The following PCLO variants were observed in gnomAD, a reference collection of about 807,000 sequenced individuals.
PCLO encodes the protein protein piccolo.
PCLO carries 82 observed loss-of-function variants against 427.5 expected under a neutral mutation model. That is an observed-to-expected ratio of 0.19 (90% CI 0.16 to 0.23). The LOEUF (loss-of-function observed/expected upper bound fraction) is 0.23. PCLO is among the 10% of genes least tolerant of loss of function. The pLI is 1.00. For synonymous variants in PCLO, 2,357 were observed against 2,155.4 expected, an observed-to-expected ratio of 1.09 and a Z score of -2.59; for missense variants, 6,239 against 6,115.9, an observed-to-expected ratio of 1.02 and a Z score of -0.67.
intron 10 of PCLO, among the ~76,000 whole-genome samples, chr7:82,859,481 C>T (rs1343727742): frequency 6.6e-6 from 1 of 152,180 alleles, no homozygotes; most frequent in Non-Finnish European, 1.5e-5. Flanking sequence ...AGAGAATTCT[C>T]CCAGATCTTG....
rs115075695 is a variant in PCLO, at chr7:82,890,219, A to G, written c.13529-10757T>C. The stretch of plus-strand genomic sequence containing the variant: ...GCAGAGTAACAAAAATATTCATGAG[A>G]AAATGGGTAAATACGTGTTCTCTAT... On this transcript the variant is annotated intron_variant, in intron 9 of 24. Transcript: ENST00000333891. Among the ~76,000 whole-genome samples, 353 of 152,164 alleles carry G rather than the reference A, an allele frequency of 2.3e-3. 2 individuals are homozygous for G. Among genetic ancestry groups the G allele is most frequent in the African/African-American group, 8.2e-3 (340 of 41,556 alleles).
intron 7 of PCLO, among the ~76,000 whole-genome samples, chr7:82,909,584 C>A (rs943027308): frequency 6.6e-6 from 1 of 152,094 alleles, no homozygotes; most frequent in Non-Finnish European, 1.5e-5. Flanking sequence ...GTTTCTGTCA[C>A]TTTCCCACCA....
chr7:82,935,811 C>A (rs1350440467), intron 6 of PCLO, among the ~76,000 whole-genome samples: 1 of 151,638 alleles, frequency 6.6e-6, no homozygotes, highest in East Asian at 1.9e-4. Context: ...GAGTTCAGAA[C>A]TTCAAGAATT....
chr7:83,064,242 A>C (rs988874241), intron 3 of PCLO, among the ~76,000 whole-genome samples: 4 of 152,116 alleles, frequency 2.6e-5, no homozygotes, highest in African/African-American at 9.6e-5. Context: ...TAAAGTAATT[A>C]TATTTTGAGA....
intron 3 of PCLO, among the ~76,000 whole-genome samples, chr7:83,108,124 A>G (rs953815195): frequency 2.0e-5 from 3 of 152,034 alleles, no homozygotes; most frequent in African/African-American, 7.2e-5. Context: ...ACTACAGTTT[A>G]TATAAAGTCA....
chr7:83,086,462 T>C (rs115775514), intron 3 of PCLO, among the ~76,000 whole-genome samples: 1,861 of 149,540 alleles, frequency 0.012, 40 homozygotes, highest in African/African-American at 0.042. Flanking sequence ...TTATTGATAA[T>C]GACAGGTAAA....
At chr7:82,936,843 C>T (rs931133423) in intron 6 of PCLO, among the ~76,000 whole-genome samples, 9 of 151,604 alleles carry the variant, frequency 5.9e-5, no homozygotes, top group African/African-American at 2.2e-4. Context: ...CTGATACTTG[C>T]TACAAAGTAG....
chr7:82,886,573 G>C (rs1178584948), intron 9 of PCLO, among the ~76,000 whole-genome samples: 2 of 152,128 alleles, frequency 1.3e-5, no homozygotes, highest in African/African-American at 2.4e-5. Flanking sequence ...CCAGATGCTA[G>C]ATTATTTTTA....
intron 9 of PCLO, among the ~76,000 whole-genome samples, chr7:82,899,977 T>C (rs1200935332): frequency 6.6e-6 from 1 of 151,660 alleles, no homozygotes; most frequent in Non-Finnish European, 1.5e-5. Flanking sequence ...GAAAATACTA[T>C]GTTGTTTTGC....
chr7:82,787,710 A>C (rs2129468304), intron 22 of PCLO, among the ~76,000 whole-genome samples: 1 of 152,248 alleles, frequency 6.6e-6, no homozygotes, highest in East Asian at 1.9e-4. Context: ...CCATAAACCA[A>C]TGAGCAACAG....
chr7:82,918,689 G>A (rs1000865463), intron 6 of PCLO, among the ~76,000 whole-genome samples: 8 of 152,138 alleles, frequency 5.3e-5, no homozygotes, highest in Non-Finnish European at 1.0e-4. Flanking sequence ...TAACATGTAT[G>A]TGGTAGATCT....
At chr7:82,928,277 C>T (rs1394127386) in intron 6 of PCLO, among the ~76,000 whole-genome samples, 1 of 152,108 alleles carries the variant, frequency 6.6e-6, no homozygotes, top group Non-Finnish European at 1.5e-5. Flanking sequence ...GAATAATGTC[C>T]TTGCAACTAA....
intron 6 of PCLO, among the ~76,000 whole-genome samples, chr7:82,944,137 TAAAAAAAAAA>T (rs71096608): frequency 8.0e-4 from 27 of 33,914 alleles, no homozygotes; most frequent in Non-Finnish European, 1.1e-3. Context: ...CAAGAATCCA[TAAAAAAAAAA>T]AAAAAAAAAA....
chr7:82,882,371 A>G (rs1020207323), intron 9 of PCLO, among the ~76,000 whole-genome samples: 29 of 152,094 alleles, frequency 1.9e-4, no homozygotes, highest in African/African-American at 7.0e-4. Context: ...TCAACTTTTG[A>G]CAAATTTTTA....
At position 83,156,287 on chromosome 7, in the gene PCLO, A is replaced by G; in HGVS notation, c.354T>C (p.Thr118=). 1 of 1,613,494 alleles carries G rather than the reference A, an allele frequency of 6.2e-7. No individual in the cohort carries two copies. Among genetic ancestry groups the G allele is most frequent in the Admixed American group, 1.7e-5 (1 of 59,976 alleles). The change falls in exon 2 of 25, where the codon ACT becomes ACC. Residue 118 remains threonine (T), a synonymous_variant. Coordinates refer to ENST00000333891, the MANE Select transcript of PCLO (RefSeq NM_033026.6). ...PGLSKSRTTD[T]FRSEQKLPGR... Reference sequence around the variant, plus strand: ...CAGGCAATTTCTGCTCTGACCTGAAAGTGTCTGTAGTTCTACTTTTACTGA... The same window carrying G: ...CAGGCAATTTCTGCTCTGACCTGAAGGTGTCTGTAGTTCTACTTTTACTGA...
chr7:83,156,135 A>G lies in PCLO; in HGVS notation c.506T>C (p.Val169Ala). 1 of 1,613,838 alleles carries G rather than the reference A, an allele frequency of 6.2e-7. No individual in the cohort carries two copies. The highest frequency in any genetic ancestry group is 8.5e-7 in the Non-Finnish European group (1 of 1,179,824). ...ATCAAAAGGGTTGAATTTATTTACA[A>G]CAGAGGAAACAGCACTTAAAGCGTT... Reference protein sequence around the residue: ...EVNALSAVSSVVNKFNPFDLI... With the variant: ...EVNALSAVSSAVNKFNPFDLI... Residue 169 changes from valine to alanine, a missense_variant, in exon 2 of 25, where the codon GTT becomes GCT. Physicochemically the swap from Val to Ala is moderately conservative, Grantham distance 64 (BLOSUM62 0). Transcript: ENST00000333891.
intron 3 of PCLO, among the ~76,000 whole-genome samples, chr7:83,002,152 T>C (rs915253638): frequency 6.6e-6 from 1 of 152,006 alleles, no homozygotes; most frequent in Non-Finnish European, 1.5e-5. Context: ...TTTCTAGTAC[T>C]CCTTTCTGGA....
intron 3 of PCLO, among the ~76,000 whole-genome samples, chr7:83,010,030 G>A (rs981249391): frequency 6.6e-6 from 1 of 151,848 alleles, no homozygotes; most frequent in African/African-American, 2.4e-5. Context: ...TGGCCTCTTG[G>A]TGCCTCAACA....
At position 83,156,402 on chromosome 7, in the gene PCLO, T is replaced by G; in HGVS notation, c.249-10A>C. On this transcript the variant is annotated splice_polypyrimidine_tract_variant and intron_variant, in intron 1 of 24. Transcript: ENST00000333891. ...ATCCAACTCTTGTTTCCTAGAAGAGTTAAAAAAAAAAAAAAAAATCAAGTG... is the reference window on the plus strand; with the variant it reads ...ATCCAACTCTTGTTTCCTAGAAGAGGTAAAAAAAAAAAAAAAAATCAAGTG... 1.6e-6 allele frequency: 2 copies of G among 1,281,852 alleles called. No homozygotes were observed. Among genetic ancestry groups the G allele is most frequent in the Non-Finnish European group, 2.0e-6 (2 of 986,378 alleles). The allele number at this position is 1,281,852 out of a possible 1,614,324, so 79.4% of individuals were successfully genotyped here.
Sources: allele counts gnomAD v4.1 joint callset (sites outside exome capture counted in the v4.1 genomes callset), GRCh38; gene constraint gnomAD v4.1.1; transcripts MANE v1.5; gene names NCBI Gene and HGNC (gene_info 2026-07-23, HGNC 2026-07-21).